HOPX: variants seen among roughly 807,000 people sequenced by gnomAD.
HOPX encodes homeodomain-only protein.
A neutral mutation model predicts 11.8 loss-of-function variants in HOPX; 5 were observed. That is an observed-to-expected ratio of 0.43 (90% confidence interval 0.22 to 0.89). HOPX has a LOEUF of 0.89. HOPX is among the 40% of genes least tolerant of loss of function. HOPX has a pLI of 0.28. For synonymous variants in HOPX, 49 were observed against 49.7 expected (o/e 0.99, Z 0.06); for missense variants, 119 against 120.0 (o/e 0.99, Z 0.04).
chr4:56,654,732 G>C (rs1195183627), intron 3 of HOPX, among the ~76,000 whole-genome samples: 1 of 152,164 alleles, frequency 6.6e-6, no homozygotes, highest in African/African-American at 2.4e-5. Flanking sequence ...CCAGGGTCTT[G>C]GTCCTTGGAT....
chr4:56,668,864 A>G (rs970699607), intron 1 of HOPX, among the ~76,000 whole-genome samples: 1 of 152,220 alleles, frequency 6.6e-6, no homozygotes, highest in African/African-American at 2.4e-5. Flanking sequence ...CCTCCACTTC[A>G]TACTCACATA....
chr4:56,659,916 A>G (rs1029403878), intron 1 of HOPX, among the ~76,000 whole-genome samples: 5 of 152,250 alleles, frequency 3.3e-5, no homozygotes, highest in Non-Finnish European at 7.3e-5. Flanking sequence ...AATGCTATTA[A>G]TCTTTTGTAT....
At chr4:56,681,167 A>T (rs1719304363) in intron 1 of HOPX, 88 bp downstream of exon 1, 3 of 962,938 alleles carry the variant, frequency 3.1e-6, no homozygotes, top group African/African-American at 1.8e-5. Context: ...CCAACAGATG[A>T]GCAAATACGG....
At chr4:56,651,072 C>T (rs1717125510) in intron 3 of HOPX, 1 of 313,262 alleles carries the variant, frequency 3.2e-6, no homozygotes, top group African/African-American at 2.2e-5. Context: ...TAATTAAAAT[C>T]TGGAGGAGGA....
upstream of HOPX, chr4:56,681,665 T>C: frequency 1.0e-6 from 1 of 1,000,170 alleles, no homozygotes; most frequent in Non-Finnish European, 1.2e-6. Flanking sequence ...TGAGCGAGTT[T>C]CCAGTTAGAT....
At position 56,679,619 on chromosome 4, in the gene HOPX, A is replaced by C. The variant is rs544936502; in HGVS notation, c.-84+1636T>G. The C allele has an allele frequency of 1.1e-4, 16 of 152,216 alleles. No individual in the cohort carries two copies. The East Asian group carries it at 3.1e-3, about 29-fold the overall frequency. 9.4% of individuals were successfully genotyped at this position (152,216 alleles called of 1,614,324 possible). A position where few individuals can be genotyped will look rare whatever the true frequency, so the allele number is the denominator to read the frequency against. ...CAGCCTCCCGAGTAGCTGGGATTAC[A>C]GGTGCCCACCACCAAGCCCGCCTAA... On this transcript the variant is annotated intron_variant, in intron 1 of 3. Transcript: ENST00000420433.
At chr4:56,667,127 A>C (rs1718478878) in intron 1 of HOPX, among the ~76,000 whole-genome samples, 1 of 152,232 alleles carries the variant, frequency 6.6e-6, no homozygotes, top group South Asian at 2.1e-4. Context: ...ATTGTCATTG[A>C]AACATTGGTA....
At chr4:56,672,807 A>AAAAATT (rs1389310485) in intron 1 of HOPX, 1 of 152,030 alleles carries the variant, frequency 6.6e-6, no homozygotes, top group Non-Finnish European at 1.5e-5. Flanking sequence ...ACTGGCTAAA[A>AAAAATT]AAAATTTTTT....
In HOPX at chr4:56,655,874, A is replaced by G; in HGVS notation, c.181T>C (p.Ser61Pro). The change falls in exon 3 of 4, where the codon TCC becomes CCC. Residue 61 changes from serine (S) to proline (P), a missense_variant. Physicochemically the swap from Ser to Pro is moderately conservative, Grantham distance 74. Coordinates refer to ENST00000420433, the MANE Select transcript of HOPX (RefSeq NM_032495.6). ...LCLIAAEAGL[S>P]EEETQKWFKQ... ...GGACGCACCTGGGTCTCCTCCTCGG[A>G]AAGGCCTGCCTCGGCCGCGATGAGG... 2 of 1,611,546 alleles carry G rather than the reference A, an allele frequency of 1.2e-6. No individual in the cohort carries two copies. The highest frequency in any genetic ancestry group is 1.1e-5 in the South Asian group (1 of 90,464).
chr4:56,667,988 G>A (rs1421006314), intron 1 of HOPX, among the ~76,000 whole-genome samples: 8 of 152,136 alleles, frequency 5.3e-5, no homozygotes, highest in Admixed American at 2.6e-4. Context: ...GCAGTGGTGC[G>A]ATCTCGGCTC....
intron 1 of HOPX, chr4:56,680,334 T>C (rs905216915): frequency 1.3e-5 from 2 of 152,178 alleles, no homozygotes; most frequent in African/African-American, 4.8e-5. Context: ...GCTCTATTCC[T>C]ATCTGCTTTT....
chr4:56,680,166 C>T (rs1028607305), intron 1 of HOPX: 1 of 151,960 alleles, frequency 6.6e-6, no homozygotes, highest in African/African-American at 2.4e-5. Flanking sequence ...CATTTAGGTC[C>T]GTGGACTTCT....
chr4:56,675,666 A>C (rs1355347097), intron 1 of HOPX, among the ~76,000 whole-genome samples: 2 of 151,726 alleles, frequency 1.3e-5, no homozygotes, highest in African/African-American at 2.4e-5. Context: ...GTGTGTTCAA[A>C]ATCAACAGCA....
At chr4:56,650,761 G>C in intron 3 of HOPX, 1 of 1,551,174 alleles carries the variant, frequency 6.4e-7, no homozygotes, top group East Asian at 2.4e-5. Flanking sequence ...CCTTCTCTTT[G>C]GGGGCTACTT....
Position 56,648,676 on chromosome 4 carries a change from G to C in HOPX, c.*44C>G, listed in dbSNP as rs1301909776. 2.8e-6 allele frequency: 4 copies of C among 1,410,096 alleles called. No homozygotes were observed. Among genetic ancestry groups the C allele is most frequent in the Non-Finnish European group, 2.0e-6 (2 of 1,004,956 alleles). The allele number at this position is 1,410,096 out of a possible 1,614,324, so 87.3% of individuals were successfully genotyped here. ...CTTGGTTAAGCGGAGGAGAGAAACA[G>C]AGATGGCCTTCATGGAGTGAAGCTG... On this transcript the variant is annotated 3_prime_UTR_variant, in exon 4 of 4. Transcript: ENST00000420433.
chr4:56,673,509 T>A (rs2109545374), intron 1 of HOPX, among the ~76,000 whole-genome samples: 1 of 152,312 alleles, frequency 6.6e-6, no homozygotes, highest in Non-Finnish European at 1.5e-5. Flanking sequence ...GGGGAGTACT[T>A]CATGGCTTAC....
chr4:56,666,643 T>C (rs187998676), intron 1 of HOPX, among the ~76,000 whole-genome samples: 14 of 152,328 alleles, frequency 9.2e-5, no homozygotes, highest in Admixed American at 5.9e-4. Context: ...GCTTCTTCTT[T>C]GAATGTGCTA....
At chr4:56,673,890 A>G (rs1272304824) in intron 1 of HOPX, among the ~76,000 whole-genome samples, 3 of 151,486 alleles carry the variant, frequency 2.0e-5, no homozygotes. Context: ...TTTTTAGTAG[A>G]GACGGGGTTT....
At position 56,648,368 on chromosome 4, in the gene HOPX, C is replaced by A; in HGVS notation, c.*352G>T. 1 of 197,570 alleles carries A rather than the reference C, an allele frequency of 5.1e-6. No homozygotes were observed. Among genetic ancestry groups the A allele is most frequent in the Non-Finnish European group, 1.0e-5 (1 of 98,398 alleles). The allele number at this position is 197,570 out of a possible 1,614,324, so 12.2% of individuals were successfully genotyped here. A position where few individuals can be genotyped will look rare whatever the true frequency, so the allele number is the denominator to read the frequency against. ...CCTCATATTATCTTTTCAACAGAGG[C>A]CTGGATTGCTAAATGGATTATGAAA... On this transcript the variant is annotated 3_prime_UTR_variant, in exon 4 of 4. Coordinates refer to ENST00000420433, the MANE Select transcript of HOPX (RefSeq NM_032495.6).
Sources: allele counts gnomAD v4.1 joint callset (sites outside exome capture counted in the v4.1 genomes callset), GRCh38; gene constraint gnomAD v4.1.1; transcripts MANE v1.5; gene names NCBI Gene and HGNC (gene_info 2026-07-23, HGNC 2026-07-21).